The following PARPBP variants were observed in gnomAD, a reference collection of about 807,000 sequenced individuals.
The protein encoded by PARPBP is PARP1 binding protein, also known as PCNA-interacting partner.
Under a neutral mutation model 50.0 loss-of-function variants are expected in PARPBP, and 52 were observed. The observed-to-expected ratio is 1.04, with a 90% CI of 0.83 to 1.31. The LOEUF (loss-of-function observed/expected upper bound fraction) is 1.31. Among genes scored for constraint, PARPBP ranks in the 50% most tolerant of loss-of-function variants. The pLI, the probability that PARPBP is intolerant of heterozygous loss-of-function variation, is 0.00. For synonymous variants in PARPBP, 244 were observed against 232.1 expected, an observed-to-expected ratio of 1.05 and a Z score of -0.47; for missense variants, 697 against 672.0, an observed-to-expected ratio of 1.04 and a Z score of -0.41.
rs75227496 is a variant in PARPBP, at chr12:102,144,016, A to G, written c.154-4214A>G. 2.4e-3 allele frequency among the ~76,000 whole-genome samples: 359 copies of G among 152,288 alleles called. 3 individuals carry two copies. The highest frequency in any genetic ancestry group is 8.3e-3 in the African/African-American group (346 of 41,564). On this transcript the variant is annotated intron_variant, in intron 2 of 10. Transcript: ENST00000327680. ...ATGATTTTACTTTAAATAGGAGAAG[A>G]GAAAGGAAATTGACATTTTTGATTA...
chr12:102,172,180 T>C (rs1171685739), intron 6 of PARPBP, among the ~76,000 whole-genome samples: 1 of 152,212 alleles, frequency 6.6e-6, no homozygotes, highest in Non-Finnish European at 1.5e-5. Context: ...ACTGGTGTGA[T>C]GCAGTTAGGA....
chr12:102,173,200 A>G (rs569588947), intron 6 of PARPBP, among the ~76,000 whole-genome samples: 1 of 152,332 alleles, frequency 6.6e-6, no homozygotes, highest in African/African-American at 2.4e-5. Flanking sequence ...ATAAATAGGA[A>G]ACACATACCC....
At chr12:102,164,207 A>G (rs1378193103) in intron 4 of PARPBP, among the ~76,000 whole-genome samples, 1 of 151,894 alleles carries the variant, frequency 6.6e-6, no homozygotes, top group Non-Finnish European at 1.5e-5. Flanking sequence ...TTTTAGCTGG[A>G]TTTTTGTAGG....
At chr12:102,120,822 A>G (rs1227955586) in intron 1 of PARPBP, among the ~76,000 whole-genome samples, 2 of 152,178 alleles carry the variant, frequency 1.3e-5, no homozygotes, top group East Asian at 1.9e-4. Flanking sequence ...ACTTATGCTC[A>G]TTAGAGATTT....
chr12:102,189,187 G>GGGT (rs1276859814), intron 9 of PARPBP, among the ~76,000 whole-genome samples: 1 of 152,196 alleles, frequency 6.6e-6, no homozygotes. Flanking sequence ...TTAGAAGAGA[G>GGGT]GGTGGACAAA....
intron 2 of PARPBP, among the ~76,000 whole-genome samples, chr12:102,142,036 C>T (rs188584972): frequency 6.6e-6 from 1 of 152,216 alleles, no homozygotes; most frequent in East Asian, 1.9e-4. Flanking sequence ...TTGGCCTGCC[C>T]TGCTAGGTTG....
intron 2 of PARPBP, among the ~76,000 whole-genome samples, chr12:102,131,422 G>A (rs921444193): frequency 2.0e-5 from 3 of 152,162 alleles, no homozygotes; most frequent in Non-Finnish European, 4.4e-5. Flanking sequence ...ATTGTGTAAA[G>A]CAGTGTGGAG....
chr12:102,147,718 T>G (rs1260648121), intron 2 of PARPBP, among the ~76,000 whole-genome samples: 1 of 151,480 alleles, frequency 6.6e-6, no homozygotes, highest in Admixed American at 6.6e-5. Flanking sequence ...AGTATAATAA[T>G]AATAAAATAA....
intron 2 of PARPBP, among the ~76,000 whole-genome samples, chr12:102,131,646 ATACTC>A (rs754367036): frequency 7.2e-5 from 11 of 152,224 alleles, no homozygotes; most frequent in African/African-American, 9.6e-5. Context: ...ACATCATGGA[ATACTC>A]TACAGCCGTA....
chr12:102,159,546 A>G (rs1887338259), intron 4 of PARPBP, among the ~76,000 whole-genome samples: 1 of 152,232 alleles, frequency 6.6e-6, no homozygotes, highest in Non-Finnish European at 1.5e-5. Flanking sequence ...AAGTAGGTGA[A>G]TGGATTGAAT....
chr12:102,175,482 G>C lies in PARPBP; in HGVS notation c.822-1G>C, dbSNP rs759388854. 6.2e-7 allele frequency: 1 copy of C among 1,606,444 alleles called. No homozygotes were observed. The highest frequency in any genetic ancestry group is 8.5e-7 in the Non-Finnish European group (1 of 1,174,504). On this transcript the variant is annotated splice_acceptor_variant, in intron 6 of 10. Coordinates refer to ENST00000327680, the MANE Select transcript of PARPBP (RefSeq NM_017915.5). LOFTEE classifies it high-confidence loss of function. ...AGAGGCAATCTAATTTCTATTTTCA[G>C]CATTGCAGGGGGTCAAATACTGTCA...
intron 2 of PARPBP, among the ~76,000 whole-genome samples, chr12:102,138,537 G>A (rs1349554504): frequency 6.7e-6 from 1 of 149,826 alleles, no homozygotes; most frequent in African/African-American, 2.4e-5. Flanking sequence ...ATTTTGGCTG[G>A]TGTTTTAGTC....
intron 2 of PARPBP, among the ~76,000 whole-genome samples, chr12:102,143,869 A>G (rs1198777527): frequency 1.3e-5 from 2 of 152,148 alleles, no homozygotes; most frequent in East Asian, 1.9e-4. Context: ...CCTTTATGGA[A>G]AGCAATTACA....
intron 3 of PARPBP, chr12:102,152,162 G>T (rs1457728238): frequency 1.2e-5 from 3 of 254,974 alleles, no homozygotes; most frequent in African/African-American, 2.3e-5. Flanking sequence ...TCTCAGGGAT[G>T]CAGATGAAAG....
rs1885699873 is a variant in PARPBP, at chr12:102,148,315, A to T, written c.239A>T (p.Glu80Val). Reference protein sequence around the residue: ...LLHEKLNLPVENMDVTDHYED... With the variant: ...LLHEKLNLPVVNMDVTDHYED... Reference sequence around the variant, plus strand: ...CATGAGAAATTGAACTTACCAGTTGAAAACATGGACGTGACTGACCATTAT... The same window carrying T: ...CATGAGAAATTGAACTTACCAGTTGTAAACATGGACGTGACTGACCATTAT... Residue 80 changes from glutamate to valine, a missense_variant, in exon 3 of 11, where the codon GAA (glutamate) becomes GTA (valine). Coordinates refer to ENST00000327680, the MANE Select transcript of PARPBP (RefSeq NM_017915.5). 1.2e-6 allele frequency: 2 copies of T among 1,605,968 alleles called. No individual in the cohort carries two copies.
intron 2 of PARPBP, among the ~76,000 whole-genome samples, chr12:102,131,703 A>G (rs1294866178): frequency 6.6e-6 from 1 of 152,214 alleles, no homozygotes; most frequent in Non-Finnish European, 1.5e-5. Context: ...AAGGAACTAG[A>G]GACCATTATC....
chr12:102,164,692 C>A, intron 5 of PARPBP, 84 bp downstream of exon 5: 3 of 1,134,064 alleles, frequency 2.6e-6, no homozygotes, highest in Non-Finnish European at 4.0e-6. Context: ...TAGGATGAAA[C>A]AACTTTTAAG....
At chr12:102,162,015 A>G (rs1456192013) in intron 4 of PARPBP, among the ~76,000 whole-genome samples, 1 of 152,194 alleles carries the variant, frequency 6.6e-6, no homozygotes, top group Non-Finnish European at 1.5e-5. Context: ...TTTCCTGTCC[A>G]GTGAAGTTTT....
In PARPBP at chr12:102,123,513, T is replaced by C. The variant is rs80354964; in HGVS notation, c.-3-373T>C. Among the ~76,000 whole-genome samples, 341 of 151,448 alleles carry C rather than the reference T, an allele frequency of 2.3e-3. 1 individual carries two copies. The highest frequency in any genetic ancestry group is 7.0e-3 in the African/African-American group (289 of 41,338). On this transcript the variant is annotated intron_variant, in intron 1 of 10. Coordinates refer to ENST00000327680, the MANE Select transcript of PARPBP (RefSeq NM_017915.5). ...GGCTTTTTAGGTTTTTTTTTTTTTT[T>C]CCCAATTTATCAGACTTATTACCTA...
Sources: gnomAD v4.1 joint callset for allele counts (sites outside exome capture counted in the v4.1 genomes callset) on GRCh38, gnomAD v4.1.1 for gene constraint, MANE v1.5 for transcripts, NCBI Gene and HGNC (gene_info 2026-07-23, HGNC 2026-07-21) for gene names.